MACF1: variants seen among roughly 807,000 people sequenced by gnomAD.
The protein encoded by MACF1 is microtubule-actin cross-linking factor 1.
A neutral mutation model predicts 854.8 loss-of-function variants in MACF1; 193 were observed. The observed-to-expected ratio is 0.23, with a 90% confidence interval of 0.20 to 0.25. The LOEUF (loss-of-function observed/expected upper bound fraction) is 0.25. Ranked by LOEUF, MACF1 falls within the 10% of genes least tolerant of loss-of-function variation. The probability of loss-of-function intolerance (pLI) is 1.00; values close to 1 mark genes in which losing one functional copy is unlikely to be tolerated. For synonymous variants in MACF1, 3,185 were observed against 3,226.7 expected (o/e 0.99, Z 0.44); for missense variants, 7,722 against 8,929.1 (o/e 0.86, Z 5.45).
chr1:39,352,001 TG>T (rs1647198517), intron 43 of MACF1, among the ~76,000 whole-genome samples: 1 of 152,092 alleles, frequency 6.6e-6, no homozygotes, highest in Admixed American at 6.5e-5. Flanking sequence ...ATAGTTACGA[TG>T]GGAATCGTGG....
At chr1:39,161,978 A>G (rs960846230) in intron 2 of MACF1, among the ~76,000 whole-genome samples, 1 of 151,302 alleles carries the variant, frequency 6.6e-6, no homozygotes, top group African/African-American at 2.4e-5. Flanking sequence ...TGGGAGGATT[A>G]CTTCAGCTGG....
intron 69 of MACF1, 50 bp from the exon 70 acceptor site, chr1:39,435,508 A>G (rs749178641): frequency 2.1e-6 from 3 of 1,437,348 alleles, no homozygotes; most frequent in Middle Eastern, 1.8e-4. Context: ...ATCTAAATAC[A>G]TAAACTGGTA....
chr1:39,484,401 T>C (rs1645069165), intron 99 of MACF1, among the ~76,000 whole-genome samples, 200 bp from the exon 100 acceptor site: 1 of 152,224 alleles, frequency 6.6e-6, no homozygotes, highest in Admixed American at 6.5e-5. Flanking sequence ...GAAATTTTTA[T>C]TTGGAACATA....
At position 39,318,467 on chromosome 1, in the gene MACF1, A is replaced by C; in HGVS notation, c.3797A>C (p.Glu1266Ala). 3 of 1,613,944 alleles carry C rather than the reference A, an allele frequency of 1.9e-6. No individual in the cohort carries two copies. The South Asian group carries it at 3.3e-5, about 18-fold the overall frequency. Residue 1266 changes from glutamate to alanine, a missense_variant, in exon 30 of 101, where the codon GAA becomes GCA. By Grantham distance (107) the Glu-to-Ala change is moderately radical. Around this residue, in one of 15 missense-constraint regions of MACF1, gnomAD observed 1,137 missense variants for 1,263.0 expected, o/e 0.90. Transcript: ENST00000564288. ...TGTTCTTCTAGCCAATCTGAGCTAG[A>C]AAGTATCCAGGAAGTTCTGGGAGAT... The part of the protein sequence containing the change: ...AQLEIRQSEL[E>A]SIQEVLGDYR...
At chr1:39,139,380 C>G (rs1381159675) in intron 2 of MACF1, among the ~76,000 whole-genome samples, 1 of 151,722 alleles carries the variant, frequency 6.6e-6, no homozygotes, top group Non-Finnish European at 1.5e-5. Flanking sequence ...CCTCAGCATC[C>G]CAAGTAACTG....
rs761034312 is a variant in MACF1, at chr1:39,434,490, G to A, written c.17642G>A (p.Arg5881Gln). Residue 5881 changes from arginine to glutamine, a missense_variant, in exon 69 of 101, where the codon CGG becomes CAG. By Grantham distance (43) the Arg-to-Gln change is conservative (BLOSUM62 1). Around this residue, in one of 15 missense-constraint regions of MACF1, gnomAD observed 2,807 missense variants for 3,235.8 expected, o/e 0.87. Coordinates refer to ENST00000564288, the MANE Select transcript of MACF1 (RefSeq NM_001394062.1). Reference protein sequence around the residue: ...LNSERYARLERAQVLVNQFWE... With the variant: ...LNSERYARLEQAQVLVNQFWE... Reference sequence around the variant, plus strand: ...TCAGAGCGTTATGCCCGCCTAGAGCGGGCCCAGGTCTTAGTAAACCAGTTT... The same window carrying A: ...TCAGAGCGTTATGCCCGCCTAGAGCAGGCCCAGGTCTTAGTAAACCAGTTT... 2.3e-5 allele frequency: 37 copies of A among 1,613,406 alleles called. No homozygotes were observed. Among genetic ancestry groups the A allele is most frequent in the African/African-American group, 5.4e-5 (4 of 74,758 alleles).
At position 39,442,792 on chromosome 1, in the gene MACF1, A is replaced by G; in HGVS notation, c.19183A>G (p.Ser6395Gly). Reference sequence around the variant, plus strand: ...AGCTGGCAATGAGCTTCTTGAATCCAGTGCTGGAGATGATGCCAGCAGCTT... The same window carrying G: ...AGCTGGCAATGAGCTTCTTGAATCCGGTGCTGGAGATGATGCCAGCAGCTT... ...NKAGNELLES[S>G]AGDDASSLRS... The change falls in exon 78 of 101, where the codon AGT becomes GGT. Residue 6395 changes from serine (S) to glycine (G), a missense_variant. Around this residue, in one of 15 missense-constraint regions of MACF1, gnomAD observed 729 missense variants for 900.5 expected, o/e 0.81. Coordinates refer to ENST00000564288, the MANE Select transcript of MACF1 (RefSeq NM_001394062.1). 1 of 1,614,180 alleles carries G rather than the reference A, an allele frequency of 6.2e-7. No homozygotes were observed. Among genetic ancestry groups the G allele is most frequent in the Non-Finnish European group, 8.5e-7 (1 of 1,180,028 alleles).
In MACF1 at chr1:39,093,291, C is replaced by A. The variant is rs530026097; in HGVS notation, c.220+8853C>A. Among the ~76,000 whole-genome samples the A allele has an allele frequency of 2.1e-4, 31 of 146,776 alleles. No homozygotes were observed. In the South Asian group the frequency reaches 6.5e-3, roughly 31 times the overall value. On this transcript the variant is annotated intron_variant, in intron 2 of 93. Transcript: ENST00000361689. ...TTGAGGGTTCAGTCCCCAAGACATT[C>A]CCCTACTCCACTTCTTTTTTTTTTT...
intron 55 of MACF1, among the ~76,000 whole-genome samples, chr1:39,380,634 C>G (rs1487263542): frequency 6.6e-6 from 1 of 152,168 alleles, no homozygotes; most frequent in Non-Finnish European, 1.5e-5. Context: ...AGGCCAGGAA[C>G]AGTGCCTCAC....
At chr1:39,119,721 C>T (rs540808853) in intron 2 of MACF1, among the ~76,000 whole-genome samples, 29 of 152,104 alleles carry the variant, frequency 1.9e-4, no homozygotes, top group Admixed American at 1.2e-3. Context: ...TCTATGTTCC[C>T]GATTTTAGTG....
chr1:39,429,277 T>C lies in MACF1; in HGVS notation c.16839T>C (p.Asn5613=). Residue 5613 remains asparagine (N), a synonymous_variant, in exon 64 of 101, where the codon AAT becomes AAC. Transcript: ENST00000564288. ...LNEEIVNRKK[N]VDQAIKNGQA... Reference sequence around the variant, plus strand: ...AAGAAATTGTTAATAGAAAGAAGAATGTAGATCAAGCTATTAAAAATGGTC... The same window carrying C: ...AAGAAATTGTTAATAGAAAGAAGAACGTAGATCAAGCTATTAAAAATGGTC... The C allele has an allele frequency of 6.9e-6, 11 of 1,584,570 alleles. No individual in the cohort carries two copies. Among genetic ancestry groups the C allele is most frequent in the South Asian group, 1.1e-5 (1 of 90,198 alleles).
intron 2 of MACF1, among the ~76,000 whole-genome samples, chr1:39,180,275 T>G (rs1404853451): frequency 6.6e-6 from 1 of 152,152 alleles, no homozygotes; most frequent in Non-Finnish European, 1.5e-5. Flanking sequence ...CTGGTACTAA[T>G]GCAAAGATTT....
chr1:39,178,040 C>T (rs2455648), intron 2 of MACF1, among the ~76,000 whole-genome samples: 43,792 of 151,468 alleles, frequency 0.29, 6,614 homozygotes, highest in Middle Eastern at 0.39. Flanking sequence ...AATCTTTAGG[C>T]TGTCAGGGAA....
At chr1:39,436,441 G>C (rs746363461) in intron 70 of MACF1, 3 of 1,612,548 alleles carry the variant, frequency 1.9e-6, no homozygotes, top group Non-Finnish European at 1.7e-6. Context: ...TCCCCACATC[G>C]TCACATTTCA....
At chr1:39,234,620 C>T (rs187867044) in intron 2 of MACF1, among the ~76,000 whole-genome samples, 85 of 5,460 alleles carry the variant, frequency 0.016, 1 homozygote, top group African/African-American at 0.066. Context: ...CCCTCCCGGA[C>T]GGGGCGGCTG....
At chr1:39,193,099 T>A (rs1248112205) in intron 2 of MACF1, among the ~76,000 whole-genome samples, 1 of 151,526 alleles carries the variant, frequency 6.6e-6, no homozygotes, top group Non-Finnish European at 1.5e-5. Flanking sequence ...GCAACAAGAG[T>A]GAAATTCCAT....
chr1:39,274,171 A>G (rs1302098590), intron 6 of MACF1, among the ~76,000 whole-genome samples: 1 of 152,124 alleles, frequency 6.6e-6, no homozygotes, highest in African/African-American at 2.4e-5. Flanking sequence ...CCTTTTGTAT[A>G]TATTTGAAAA....
chr1:39,194,230 G>A (rs1425177092), intron 2 of MACF1, among the ~76,000 whole-genome samples: 9 of 151,946 alleles, frequency 5.9e-5, no homozygotes, highest in African/African-American at 2.2e-4. Context: ...TTAAGGGTAA[G>A]ACCTTCAGTT....
At chr1:39,426,113 A>T (rs1643718757) in intron 61 of MACF1, among the ~76,000 whole-genome samples, 1 of 152,324 alleles carries the variant, frequency 6.6e-6, no homozygotes, top group Non-Finnish European at 1.5e-5. Flanking sequence ...GGCAATTTTT[A>T]AAAAATGAAA....
Sources: gnomAD v4.1 joint callset for allele counts (sites outside exome capture counted in the v4.1 genomes callset) on GRCh38, gnomAD v4.1.1 for gene constraint, gnomAD v4.1.1 regional missense constraint, MANE v1.5 for transcripts, NCBI Gene and HGNC (gene_info 2026-07-23, HGNC 2026-07-21) for gene names.